FGFR1: variants seen among roughly 807,000 people sequenced by gnomAD.
FGFR1 encodes FGFR1/PLAG1 fusion.
In FGFR1, 18 loss-of-function variants were observed where a neutral mutation model predicts 93.7. The observed-to-expected ratio is 0.19, with a 90% CI of 0.13 to 0.28. The LOEUF (loss-of-function observed/expected upper bound fraction) is 0.28, where lower values mean the gene tolerates loss of function less well. Ranked by LOEUF, FGFR1 falls within the 10% of genes least tolerant of loss-of-function variation. The pLI is 1.00. For synonymous variants in FGFR1, 448 were observed against 429.3 expected (o/e 1.04, Z -0.54); for missense variants, 731 against 1,080.4 (o/e 0.68, Z 4.53).
chr8:38,421,647 C>A, intron 8 of FGFR1, 150 bp downstream of exon 8: 1 of 858,156 alleles, frequency 1.2e-6, no homozygotes, highest in East Asian at 2.5e-5. Flanking sequence ...GGATTCAGCC[C>A]TCAAAGCTGG....
chr8:38,457,592 GA>G (rs767452740), intron 1 of FGFR1, 58 bp from the exon 2 acceptor site: 4 of 1,508,476 alleles, frequency 2.7e-6, no homozygotes, highest in Non-Finnish European at 3.6e-6. Context: ...GAGGGGAAAG[GA>G]AAAACAGAAG....
intron 2 of FGFR1, among the ~76,000 whole-genome samples, chr8:38,444,128 T>C (rs1586600306): frequency 6.6e-6 from 1 of 151,560 alleles, no homozygotes. Context: ...AAAACGTTCT[T>C]ACTTGGCAAA....
rs1815022770 is a variant in FGFR1 at position 38,413,361 on chromosome 8, G to A, written c.*267C>T. ...TCCAGGCAGTGCCTGGTGGCAGGGAGGGGTGTTGGTCCAACATCTGGGAGG... is the reference window on the plus strand; with the variant it reads ...TCCAGGCAGTGCCTGGTGGCAGGGAAGGGTGTTGGTCCAACATCTGGGAGG... On this transcript the variant is annotated 3_prime_UTR_variant, in exon 18 of 18. Transcript: ENST00000447712. The surrounding 1 kb of genome is among the most constrained non-coding windows in gnomAD (Gnocchi z 4.2). 12 of 528,782 alleles carry A rather than the reference G, an allele frequency of 2.3e-5. No homozygotes were observed. The South Asian group carries it at 3.4e-4, about 15-fold the overall frequency. The allele number at this position is 528,782 out of a possible 1,614,324, so 32.8% of individuals were successfully genotyped here. A position where few individuals can be genotyped will look rare whatever the true frequency, so the allele number is the denominator to read the frequency against.
intron 2 of FGFR1, among the ~76,000 whole-genome samples, chr8:38,437,659 G>A (rs1366670803): frequency 6.6e-6 from 1 of 152,166 alleles, no homozygotes; most frequent in South Asian, 2.1e-4. Context: ...TGGGAGATGA[G>A]GCCAGGCTGT....
chr8:38,416,448 ATTTTTT>A lies in FGFR1; in HGVS notation c.1664-394_1664-389del, dbSNP rs57944426. ...TACAGGCATGAACAATGCCTGGCTA[ATTTTTT>A]TTTTTTTTTTTTTTTTTTTTGAGAT... On this transcript the variant is annotated intron_variant, in intron 12 of 17. Coordinates refer to ENST00000447712, the MANE Select transcript of FGFR1 (RefSeq NM_023110.3). 5.2e-3 allele frequency among the ~76,000 whole-genome samples: 420 copies of A among 80,918 alleles called. 1 individual carries two copies. The highest frequency in any genetic ancestry group is 0.02 in the African/African-American group (381 of 19,304). 53.1% of individuals were successfully genotyped at this position (80,918 alleles called of 152,430 possible).
intron 1 of FGFR1, among the ~76,000 whole-genome samples, chr8:38,464,853 G>A (rs1030853622): frequency 2.6e-5 from 4 of 152,186 alleles, no homozygotes; most frequent in Admixed American, 2.0e-4. Flanking sequence ...TTTGACGAAA[G>A]ACACTTTAGA....
chr8:38,423,123 G>A (rs1158896749), intron 7 of FGFR1: 1 of 779,456 alleles, frequency 1.3e-6, no homozygotes, highest in Non-Finnish European at 2.4e-6. Flanking sequence ...CTGGGCCTCT[G>A]TCACATTGAA....
chr8:38,412,032 T>C lies in FGFR1; in HGVS notation c.*1596A>G, dbSNP rs901597393. On this transcript the variant is annotated 3_prime_UTR_variant, in exon 18 of 18. Transcript: ENST00000447712. Reference sequence around the variant, plus strand: ...TGCCCACATAGAGGGGGCAGACACATGTCTGGGTTTCAGTTTCTGCAGACC... The same window carrying C: ...TGCCCACATAGAGGGGGCAGACACACGTCTGGGTTTCAGTTTCTGCAGACC... The C allele has an allele frequency of 3.5e-5, 8 of 226,332 alleles. No homozygotes were observed. Among genetic ancestry groups the C allele is most frequent in the African/African-American group, 1.8e-4 (8 of 44,954 alleles). The allele number at this position is 226,332 out of a possible 1,614,324, so 14.0% of individuals were successfully genotyped here.
chr8:38,454,973 CTTTTT>C (rs11434747), intron 2 of FGFR1, among the ~76,000 whole-genome samples: 1 of 111,176 alleles, frequency 9.0e-6, no homozygotes, highest in Non-Finnish European at 1.8e-5. Flanking sequence ...TCTTTTCTTG[CTTTTT>C]TTTTTTTTTT....
intron 1 of FGFR1, chr8:38,466,076 T>C (rs866937453): frequency 1.3e-5 from 3 of 231,050 alleles, no homozygotes; most frequent in Admixed American, 5.7e-5. Flanking sequence ...TCAAAGACTA[T>C]TACCAAACAC....
At position 38,414,584 on chromosome 8, in the gene FGFR1, G is replaced by A. The variant is rs375611478; in HGVS notation, c.2023C>T (p.Arg675Trp). Residue 675 changes from arginine to tryptophan, a missense_variant, in exon 15 of 18, where the codon CGG becomes TGG. This residue lies in a region of FGFR1 where 44 missense variants were observed against 99.9 expected (regional missense o/e 0.44). Coordinates refer to ENST00000447712, the MANE Select transcript of FGFR1 (RefSeq NM_023110.3). The stretch of plus-strand genomic sequence containing the variant: ...ACATCACTCTGGTGGGTGTAGATCC[G>A]GTCAAATAATGCCTCGGGTGCCATC... ...KWMAPEALFD[R>W]IYTHQSDVWS... The A allele has an allele frequency of 1.4e-5, 20 of 1,469,198 alleles. No individual in the cohort carries two copies. Among genetic ancestry groups the A allele is most frequent in the South Asian group, 2.7e-5 (2 of 72,896 alleles). 91.0% of individuals were successfully genotyped at this position (1,469,198 alleles called of 1,614,324 possible). A position where few individuals can be genotyped will look rare whatever the true frequency, so the allele number is the denominator to read the frequency against.
chr8:38,462,799 T>C (rs1834705724), intron 1 of FGFR1, among the ~76,000 whole-genome samples: 1 of 151,998 alleles, frequency 6.6e-6, no homozygotes, highest in Non-Finnish European at 1.5e-5. Context: ...AAATAGGGTT[T>C]CACCATGTTG....
In FGFR1 at chr8:38,460,201, G is replaced by C. The variant is rs373147335; in HGVS notation, c.-88-2667C>G. Reference sequence around the variant, plus strand: ...CTGTCTCAAAACTAACTAACTAAAAGAAAGACCCTTGGAAGCAGACCACAG... The same window carrying C: ...CTGTCTCAAAACTAACTAACTAAAACAAAGACCCTTGGAAGCAGACCACAG... On this transcript the variant is annotated intron_variant, in intron 1 of 17. Transcript: ENST00000447712. Among the ~76,000 whole-genome samples, 76 of 152,270 alleles carry C rather than the reference G, an allele frequency of 5.0e-4. 2 individuals carry two copies. In the East Asian group the frequency reaches 9.3e-3, roughly 19 times the overall value.
rs2150755440 is a variant in FGFR1, at chr8:38,421,866, C to T, written c.1012G>A (p.Glu338Lys). The stretch of plus-strand genomic sequence containing the variant: ...GAGTTACCCGCCAAGCACGTATACT[C>T]CCCTGCGTCCTCAAAGGAGACATTT... Reference protein sequence around the residue: ...LRNVSFEDAGEYTCLAGNSIG... With the variant: ...LRNVSFEDAGKYTCLAGNSIG... Residue 338 changes from glutamate (E) to lysine (K), a missense_variant, in exon 8 of 18, where the codon GAG becomes AAG. Glu to Lys is a moderately conservative substitution (Grantham distance 56, BLOSUM62 1). Coordinates refer to ENST00000447712, the MANE Select transcript of FGFR1 (RefSeq NM_023110.3). 6.2e-7 allele frequency: 1 copy of T among 1,614,092 alleles called. No homozygotes were observed. Among genetic ancestry groups the T allele is most frequent in the Non-Finnish European group, 8.5e-7 (1 of 1,179,996 alleles).
At chr8:38,453,714 G>A (rs1299696196) in intron 2 of FGFR1, among the ~76,000 whole-genome samples, 1 of 152,128 alleles carries the variant, frequency 6.6e-6, no homozygotes, top group Non-Finnish European at 1.5e-5. Context: ...CCAACCTGGT[G>A]AAACCCATCT....
chr8:38,413,524 C>A lies in FGFR1; in HGVS notation c.*104G>T. The A allele has an allele frequency of 7.4e-7, 1 of 1,354,088 alleles. No individual in the cohort carries two copies. The allele number at this position is 1,354,088 out of a possible 1,614,324, so 83.9% of individuals were successfully genotyped here. ...GCCCCTGGTAGGCAGCCGGCTCCTG[C>A]CAGCAGGAAAGGGGACAGGGACGGA... On this transcript the variant is annotated 3_prime_UTR_variant, in exon 18 of 18. Coordinates refer to ENST00000447712, the MANE Select transcript of FGFR1 (RefSeq NM_023110.3). The surrounding 1 kb of genome is among the most constrained non-coding windows in gnomAD (Gnocchi z 4.2).
Position 38,421,784 on chromosome 8 carries a change from T to C in FGFR1, c.1081+13A>G, listed in dbSNP as rs755613136. ...GAGGGCAGGACATCGAGAGGAGAAG[T>C]TACAGTGTGTACCTTCCAGAACGGT... On this transcript the variant is annotated intron_variant, in intron 8 of 17. Coordinates refer to ENST00000447712, the MANE Select transcript of FGFR1 (RefSeq NM_023110.3). 1 of 1,613,396 alleles carries C rather than the reference T, an allele frequency of 6.2e-7. No homozygotes were observed. The highest frequency in any genetic ancestry group is 2.2e-5 in the East Asian group (1 of 44,852).
At position 38,468,484 on chromosome 8, in the gene FGFR1, T is replaced by A. The variant is rs1209836872; in HGVS notation, c.-592A>T. The A allele has an allele frequency of 4.4e-6, 1 of 228,406 alleles. No individual in the cohort carries two copies. The highest frequency in any genetic ancestry group is 2.2e-5 in the African/African-American group (1 of 44,964). The allele number at this position is 228,406 out of a possible 1,614,324, so 14.1% of individuals were successfully genotyped here. A position where few individuals can be genotyped will look rare whatever the true frequency, so the allele number is the denominator to read the frequency against. On this transcript the variant is annotated 5_prime_UTR_variant, in exon 1 of 18. Coordinates refer to ENST00000447712, the MANE Select transcript of FGFR1 (RefSeq NM_023110.3). ...GGTCGCCGCAATGCGCTACGAGGGGTCTCGGTCCCGTCCGGACGTGGCCGC... is the reference window on the plus strand; with the variant it reads ...GGTCGCCGCAATGCGCTACGAGGGGACTCGGTCCCGTCCGGACGTGGCCGC...
chr8:38,427,298 G>A (rs534068662), intron 5 of FGFR1, among the ~76,000 whole-genome samples: 1 of 151,724 alleles, frequency 6.6e-6, no homozygotes, highest in African/African-American at 2.4e-5. Context: ...TTGTTTTTTG[G>A]AGACAGAGTC....
Sources: allele counts gnomAD v4.1 joint callset (sites outside exome capture counted in the v4.1 genomes callset), GRCh38; gene constraint gnomAD v4.1.1; regional missense constraint gnomAD v4.1.1; non-coding constraint Gnocchi (gnomAD v3.1); transcripts MANE v1.5; gene names NCBI Gene and HGNC (gene_info 2026-07-23, HGNC 2026-07-21).